Variants in TAF2 observed in about 807,000 individuals in gnomAD.
TAF2 encodes transcription initiation factor TFIID subunit 2.
In TAF2, 61 loss-of-function variants were observed where a neutral mutation model predicts 138.5. That is an observed-to-expected ratio of 0.44 (90% CI 0.36 to 0.54). TAF2 has a LOEUF of 0.54. Ranked by LOEUF, TAF2 falls within the 20% of genes least tolerant of loss-of-function variation. The probability of loss-of-function intolerance (pLI) is 0.00; values close to 1 mark genes in which losing one functional copy is unlikely to be tolerated. For synonymous variants in TAF2, 475 were observed against 469.9 expected (o/e 1.01, Z -0.14); for missense variants, 1,090 against 1,427.9 (o/e 0.76, Z 3.81).
intron 18 of TAF2, among the ~76,000 whole-genome samples, chr8:119,773,666 T>C (rs1822004612): frequency 6.6e-6 from 1 of 151,406 alleles, no homozygotes; most frequent in Admixed American, 6.8e-5. Flanking sequence ...ACCTCTCAAA[T>C]TCAATAAGCT....
chr8:119,744,968 C>G (rs1439587537), intron 23 of TAF2: 2 of 456,134 alleles, frequency 4.4e-6, no homozygotes, highest in Non-Finnish European at 8.8e-6. Context: ...GTGTATCAGA[C>G]TTCCTCTTCA....
Position 119,801,834 on chromosome 8 carries a change from A to G in TAF2, c.752T>C (p.Ile251Thr). 1 of 1,614,190 alleles carries G rather than the reference A, an allele frequency of 6.2e-7. No individual in the cohort carries two copies. The highest frequency in any genetic ancestry group is 8.5e-7 in the Non-Finnish European group (1 of 1,180,024). Residue 251 changes from isoleucine (I) to threonine (T), a missense_variant, in exon 6 of 26, where the codon ATT becomes ACT. Physicochemically the swap from Ile to Thr is moderately conservative, Grantham distance 89. Transcript: ENST00000378164. ...ATCTACCAGTATTTCAAATGGTCCA[A>G]TGGCCAAGGAGATATTTGACGCTGC... ...PTAASNISLA[I>T]GPFEILVDPY... is the part of the protein sequence containing the mutation.
At chr8:119,770,051 G>A (rs957849770) in intron 18 of TAF2, among the ~76,000 whole-genome samples, 6 of 135,036 alleles carry the variant, frequency 4.4e-5, no homozygotes, top group African/African-American at 1.4e-4. Context: ...GCCACTGCAC[G>A]CAGCCCCCAA....
chr8:119,818,733 CACACACACACACACACA>C lies in TAF2; in HGVS notation c.299+596_299+612del, dbSNP rs1825640725. ...ACAAAGATGACAAAAAAATGAAGTCCACACACACACACACACACACACACACACACACACAGAAAATG... is the reference window on the plus strand; with the variant it reads ...ACAAAGATGACAAAAAAATGAAGTCCCACACACACACACACACAGAAAATG... On this transcript the variant is annotated intron_variant, in intron 3 of 25. Coordinates refer to ENST00000378164, the MANE Select transcript of TAF2 (RefSeq NM_003184.4). 8.1e-4 allele frequency among the ~76,000 whole-genome samples: 68 copies of C among 83,652 alleles called. No homozygotes were observed. In the South Asian group the frequency reaches 0.022, roughly 27 times the overall value. The allele number at this position is 83,652 out of a possible 152,430, so 54.9% of individuals were successfully genotyped here. A position where few individuals can be genotyped will look rare whatever the true frequency, so the allele number is the denominator to read the frequency against.
chr8:119,758,393 CA>C (rs1313305233), intron 20 of TAF2, among the ~76,000 whole-genome samples: 1 of 152,042 alleles, frequency 6.6e-6, no homozygotes, highest in Non-Finnish European at 1.5e-5. Context: ...TACTAAAGTT[CA>C]AACCAATGGC....
At chr8:119,760,788 T>C in intron 19 of TAF2, 50 bp from the exon 20 acceptor site, 1 of 1,610,232 alleles carries the variant, frequency 6.2e-7, no homozygotes, top group Non-Finnish European at 8.5e-7. Context: ...GTATTATGAA[T>C]CAGTTTGTTT....
chr8:119,802,076 T>C (rs775973845), intron 5 of TAF2, 51 bp from the exon 6 acceptor site: 2 of 1,431,260 alleles, frequency 1.4e-6, no homozygotes, highest in Admixed American at 1.8e-5. Flanking sequence ...GTTCTCTACA[T>C]TGTTTTCCCC....
chr8:119,789,351 G>A (rs964346658), intron 12 of TAF2, among the ~76,000 whole-genome samples: 6 of 152,018 alleles, frequency 3.9e-5, no homozygotes, highest in African/African-American at 1.4e-4. Context: ...TTACTCACTA[G>A]AAAGTACTTT....
At chr8:119,820,804 A>C (rs749193232) in intron 2 of TAF2, among the ~76,000 whole-genome samples, 1 of 152,236 alleles carries the variant, frequency 6.6e-6, no homozygotes, top group South Asian at 2.1e-4. Flanking sequence ...CAATCAGCAC[A>C]TATCTGTGAG....
intron 18 of TAF2, among the ~76,000 whole-genome samples, chr8:119,768,135 G>A (rs377488746): frequency 1.3e-5 from 2 of 152,138 alleles, no homozygotes; most frequent in Admixed American, 6.5e-5. Context: ...CCACCCAACC[G>A]TTTCAGCTGC....
chr8:119,745,792 C>T (rs964797842), intron 23 of TAF2, among the ~76,000 whole-genome samples: 3 of 131,118 alleles, frequency 2.3e-5, no homozygotes, highest in Admixed American at 7.5e-5. Flanking sequence ...TAAAGGCAAA[C>T]GAATGTGTGT....
chr8:119,792,130 TAGA>T (rs1563885748), intron 10 of TAF2, among the ~76,000 whole-genome samples: 1 of 151,000 alleles, frequency 6.6e-6, no homozygotes, highest in Non-Finnish European at 1.5e-5. Context: ...GATAAATGCC[TAGA>T]AGAATTTCTT....
At chr8:119,805,909 CTTT>C (rs11309224) in intron 4 of TAF2, among the ~76,000 whole-genome samples, 2 of 144,128 alleles carry the variant, frequency 1.4e-5, no homozygotes, top group Non-Finnish European at 1.5e-5. Context: ...TTTTGTTTTT[CTTT>C]TTTTTTTTTT....
At chr8:119,753,089 C>T (rs899073238) in intron 22 of TAF2, among the ~76,000 whole-genome samples, 1 of 152,142 alleles carries the variant, frequency 6.6e-6, no homozygotes, top group Non-Finnish European at 1.5e-5. Context: ...GATAATATAG[C>T]AGTGTGAAAA....
Position 119,783,351 on chromosome 8 carries a change from T to C in TAF2, c.2112+30A>G, listed in dbSNP as rs199697955. On this transcript the variant is annotated intron_variant, in intron 16 of 25. Transcript: ENST00000378164. ...GAGATACAAAAAATATATACAATAGTCATTTCCTTTATGCTGTATATAATC... is the reference window on the plus strand; with the variant it reads ...GAGATACAAAAAATATATACAATAGCCATTTCCTTTATGCTGTATATAATC... 7.9e-4 allele frequency: 1,269 copies of C among 1,609,726 alleles called. 4 individuals carry two copies. Among genetic ancestry groups the C allele is most frequent in the Middle Eastern group, 2.2e-3 (13 of 6,042 alleles).
intron 5 of TAF2, among the ~76,000 whole-genome samples, chr8:119,802,940 G>A (rs1824367074): frequency 6.6e-6 from 1 of 151,860 alleles, no homozygotes; most frequent in Non-Finnish European, 1.5e-5. Flanking sequence ...GACGAAACCT[G>A]ATCTCTACTA....
intron 25 of TAF2, among the ~76,000 whole-genome samples, chr8:119,738,282 C>T (rs1217109392): frequency 6.6e-6 from 1 of 152,036 alleles, no homozygotes; most frequent in African/African-American, 2.4e-5. Context: ...ATTTGGGACA[C>T]ACAAGTTTAC....
chr8:119,812,670 G>A (rs1280482159), intron 3 of TAF2, among the ~76,000 whole-genome samples: 1 of 151,862 alleles, frequency 6.6e-6, no homozygotes, highest in African/African-American at 2.4e-5. Flanking sequence ...CAGCCACGTT[G>A]CTACAAAAGA....
At position 119,744,377 on chromosome 8, in the gene TAF2, T is replaced by C; in HGVS notation, c.3125A>G (p.Asp1042Gly). The C allele has an allele frequency of 6.2e-7, 1 of 1,613,422 alleles. No homozygotes were observed. The highest frequency in any genetic ancestry group is 8.5e-7 in the Non-Finnish European group (1 of 1,179,862). Residue 1042 changes from aspartate (D) to glycine (G), a missense_variant, in exon 24 of 26, where the codon GAT (aspartate) becomes GGT (glycine). Transcript: ENST00000378164. ...AGTATCCATATCAATCTCCTCCTCA[T>C]CTTGAGAACTGGAAAACTAAAACAC... The part of the protein sequence containing the change: ...GFQNPFSSSQ[D>G]EEEIDMDTVH...
Sources: allele counts gnomAD v4.1 joint callset (sites outside exome capture counted in the v4.1 genomes callset), GRCh38; gene constraint gnomAD v4.1.1; transcripts MANE v1.5; gene names NCBI Gene and HGNC (gene_info 2026-07-23, HGNC 2026-07-21).